ST8SIA4: variants seen among roughly 807,000 people sequenced by gnomAD.
ST8SIA4 encodes CMP-N-acetylneuraminate-poly-alpha-2,8-sialyltransferase.
ST8SIA4 carries 15 observed loss-of-function variants against 33.9 expected under a neutral mutation model. That is an observed-to-expected ratio of 0.44 (90% CI 0.30 to 0.68). The LOEUF (loss-of-function observed/expected upper bound fraction) is 0.68, where lower values mean the gene tolerates loss of function less well. ST8SIA4 is among the 30% of genes least tolerant of loss of function. ST8SIA4 has a pLI of 0.10. For synonymous variants in ST8SIA4, 171 were observed against 151.2 expected (o/e 1.13, Z -0.96); for missense variants, 321 against 428.0 (o/e 0.75, Z 2.21).
rs747032906 is a variant in ST8SIA4, at chr5:100,856,338, T to C, written c.562A>G (p.Ile188Val). 6.2e-6 allele frequency: 10 copies of C among 1,613,868 alleles called. No homozygotes were observed. The Admixed American group carries it at 1.2e-4, about 19-fold the overall frequency. ...TGTACAACTGATGGATTCATGGTAA[T>C]AAAATCTGATTTAGTTCCCACATCT... ...AADVGTKSDF[I>V]TMNPSVVQRA... Residue 188 changes from isoleucine (I) to valine (V), a missense_variant, in exon 4 of 5, where the codon ATT (isoleucine) becomes GTT (valine). Coordinates refer to ENST00000231461, the MANE Select transcript of ST8SIA4 (RefSeq NM_005668.6).
At chr5:100,815,809 T>G (rs1217162008) in intron 4 of ST8SIA4, among the ~76,000 whole-genome samples, 1 of 152,160 alleles carries the variant, frequency 6.6e-6, no homozygotes, top group Non-Finnish European at 1.5e-5. Flanking sequence ...GAAAGCTGCT[T>G]CACTTCTTTG....
At chr5:100,878,841 G>A (rs1752358152) in intron 3 of ST8SIA4, among the ~76,000 whole-genome samples, 1 of 152,098 alleles carries the variant, frequency 6.6e-6, no homozygotes, top group Non-Finnish European at 1.5e-5. Flanking sequence ...GTGTTCATTA[G>A]AAAATCTGAT....
intron 4 of ST8SIA4, among the ~76,000 whole-genome samples, chr5:100,837,931 A>T (rs1461827333): frequency 6.6e-6 from 1 of 152,052 alleles, no homozygotes; most frequent in Non-Finnish European, 1.5e-5. Context: ...TTTAAATGAG[A>T]TATTCATTGG....
intron 2 of ST8SIA4, among the ~76,000 whole-genome samples, chr5:100,895,103 T>C (rs2112482116): frequency 6.6e-6 from 1 of 151,944 alleles, no homozygotes; most frequent in East Asian, 1.9e-4. Context: ...AGTTCAAGAG[T>C]GGGTTTCAGC....
At chr5:100,851,127 T>C (rs908544922) in intron 4 of ST8SIA4, among the ~76,000 whole-genome samples, 28 of 151,628 alleles carry the variant, frequency 1.8e-4, no homozygotes, top group African/African-American at 5.1e-4. Flanking sequence ...GCCTGGCTAA[T>C]TTTTGTATTT....
At chr5:100,827,036 G>T (rs866471586) in intron 4 of ST8SIA4, among the ~76,000 whole-genome samples, 2 of 151,218 alleles carry the variant, frequency 1.3e-5, no homozygotes, top group South Asian at 4.2e-4. Context: ...CACTTATTTG[G>T]GCACACTTGT....
In ST8SIA4 at chr5:100,854,103, G is replaced by C. The variant is rs868754021; in HGVS notation, c.797+2000C>G. Among the ~76,000 whole-genome samples the C allele has an allele frequency of 1.6e-4, 25 of 151,716 alleles. No individual in the cohort carries two copies. The South Asian group carries it at 3.5e-3, about 22-fold the overall frequency. On this transcript the variant is annotated intron_variant, in intron 4 of 4. Coordinates refer to ENST00000231461, the MANE Select transcript of ST8SIA4 (RefSeq NM_005668.6). ...AGACATGTTCTTAACACAATGCACTGTAATGTTACAGTTTCTTAAGATGCA... is the reference window on the plus strand; with the variant it reads ...AGACATGTTCTTAACACAATGCACTCTAATGTTACAGTTTCTTAAGATGCA...
At chr5:100,876,169 G>GTAATATATATAAA (rs1752299365) in intron 3 of ST8SIA4, among the ~76,000 whole-genome samples, 1 of 152,052 alleles carries the variant, frequency 6.6e-6, no homozygotes, top group Non-Finnish European at 1.5e-5. Flanking sequence ...AAGAGAATAT[G>GTAATATATATAAA]AGAGATCGAA....
intron 4 of ST8SIA4, among the ~76,000 whole-genome samples, chr5:100,842,997 CTA>C (rs745949874): frequency 4.0e-5 from 6 of 151,754 alleles, no homozygotes; most frequent in Non-Finnish European, 8.8e-5. Context: ...TTGCTTGATG[CTA>C]TAGCTTAATG....
At chr5:100,885,689 C>G in intron 3 of ST8SIA4, 1 of 939,652 alleles carries the variant, frequency 1.1e-6, no homozygotes, top group Non-Finnish European at 1.3e-6. Flanking sequence ...GATTATAATT[C>G]CATTTCTACT....
chr5:100,835,500 A>G (rs1358387568), intron 4 of ST8SIA4, among the ~76,000 whole-genome samples: 2 of 152,192 alleles, frequency 1.3e-5, no homozygotes. Context: ...TTGGAAAGTT[A>G]ACTTCTTACA....
intron 2 of ST8SIA4, among the ~76,000 whole-genome samples, chr5:100,887,028 T>G (rs1752552821): frequency 6.6e-6 from 1 of 152,068 alleles, no homozygotes; most frequent in Non-Finnish European, 1.5e-5. Flanking sequence ...AGAAATAATT[T>G]GAGATTGTTT....
intron 4 of ST8SIA4, among the ~76,000 whole-genome samples, chr5:100,815,749 A>G (rs1750903639): frequency 6.6e-6 from 1 of 152,168 alleles, no homozygotes; most frequent in Non-Finnish European, 1.5e-5. Flanking sequence ...GGCTATATTT[A>G]TAGTCAGAAG....
chr5:100,862,079 T>C (rs1751958439), intron 3 of ST8SIA4, among the ~76,000 whole-genome samples: 1 of 152,214 alleles, frequency 6.6e-6, no homozygotes, highest in African/African-American at 2.4e-5. Context: ...CAAACTTTAT[T>C]TATAACACAT....
intron 2 of ST8SIA4, among the ~76,000 whole-genome samples, chr5:100,893,924 C>T (rs1004498343): frequency 6.6e-6 from 1 of 152,104 alleles, no homozygotes; most frequent in Non-Finnish European, 1.5e-5. Context: ...AATCACCTAT[C>T]TCTCTCTCTT....
rs1351447216 is a variant in ST8SIA4, at chr5:100,808,521, A to G, written c.*3326T>C. On this transcript the variant is annotated 3_prime_UTR_variant, in exon 5 of 5. Transcript: ENST00000231461. ...ATGGTCTATTCATGTCAACAGCACAATAACAACCATGTTCTGTAAAGGACA... is the reference window on the plus strand; with the variant it reads ...ATGGTCTATTCATGTCAACAGCACAGTAACAACCATGTTCTGTAAAGGACA... 6.6e-6 allele frequency: 1 copy of G among 152,596 alleles called. No homozygotes were observed. The highest frequency in any genetic ancestry group is 2.1e-4 in the South Asian group (1 of 4,838). 9.5% of individuals were successfully genotyped at this position (152,596 alleles called of 1,614,324 possible).
intron 2 of ST8SIA4, among the ~76,000 whole-genome samples, chr5:100,891,183 C>T (rs139602373): frequency 6.6e-5 from 10 of 151,590 alleles, no homozygotes; most frequent in African/African-American, 2.2e-4. Flanking sequence ...TACTGTGTGA[C>T]GAATCTTATA....
chr5:100,865,605 TTACC>T (rs1752044120), intron 3 of ST8SIA4, among the ~76,000 whole-genome samples: 1 of 152,158 alleles, frequency 6.6e-6, no homozygotes, highest in Non-Finnish European at 1.5e-5. Context: ...TTGAAAACCA[TTACC>T]TGTAGTGTTC....
chr5:100,870,679 T>C (rs1344249808), intron 3 of ST8SIA4, among the ~76,000 whole-genome samples: 1 of 152,150 alleles, frequency 6.6e-6, no homozygotes, highest in Non-Finnish European at 1.5e-5. Context: ...ATAATTTCTG[T>C]GTGAGGAGTG....
Sources: gnomAD v4.1 joint callset for allele counts (sites outside exome capture counted in the v4.1 genomes callset) on GRCh38, gnomAD v4.1.1 for gene constraint, MANE v1.5 for transcripts, NCBI Gene and HGNC (gene_info 2026-07-23, HGNC 2026-07-21) for gene names.